The following LSM14A variants were observed in gnomAD, a reference collection of about 807,000 sequenced individuals.
LSM14A encodes protein LSM14 homolog A.
LSM14A carries 14 observed loss-of-function variants against 52.4 expected under a neutral mutation model. The observed-to-expected ratio is 0.27, with a 90% CI of 0.18 to 0.42. The LOEUF is 0.42. LSM14A is among the 10% of genes least tolerant of loss of function. LSM14A has a pLI of 1.00. For synonymous variants in LSM14A, 185 were observed against 200.3 expected (o/e 0.92, Z 0.64); for missense variants, 417 against 581.8 (o/e 0.72, Z 2.91).
chr19:34,213,860 A>G (rs1352385500), intron 4 of LSM14A, among the ~76,000 whole-genome samples: 3 of 152,214 alleles, frequency 2.0e-5, no homozygotes, highest in Non-Finnish European at 2.9e-5. Flanking sequence ...GGCTCACTAC[A>G]ACCTCTGCCT....
At chr19:34,210,188 G>A (rs2072028867) in intron 4 of LSM14A, among the ~76,000 whole-genome samples, 2 of 151,938 alleles carry the variant, frequency 1.3e-5, no homozygotes, top group South Asian at 4.1e-4. Context: ...AAAATTCAAT[G>A]CTAAACATAA....
chr19:34,192,632 C>CAAAAAAAAAAAAA (rs548374017), intron 1 of LSM14A, among the ~76,000 whole-genome samples: 11 of 76,950 alleles, frequency 1.4e-4, no homozygotes, highest in Admixed American at 3.5e-4. Context: ...ATCAGTTCTG[C>CAAAAAAAAAAAAA]AAAAAAAAAA....
At chr19:34,192,632 C>CAAAAAAA (rs548374017) in intron 1 of LSM14A, among the ~76,000 whole-genome samples, 40 of 76,950 alleles carry the variant, frequency 5.2e-4, no homozygotes, top group South Asian at 1.2e-3. Flanking sequence ...ATCAGTTCTG[C>CAAAAAAA]AAAAAAAAAA....
At chr19:34,172,895 T>TCCGGGCCCCGGCGTCGCGGG (rs2068802197) in intron 1 of LSM14A, 132 bp downstream of exon 1, 6 of 1,100,216 alleles carry the variant, frequency 5.5e-6, no homozygotes, top group Non-Finnish European at 6.1e-6. Context: ...GCCTCCCTTC[T>TCCGGGCCCCGGCGTCGCGGG]CCGGGCCCCG....
At chr19:34,189,471 G>C (rs1041232387) in intron 1 of LSM14A, among the ~76,000 whole-genome samples, 5 of 152,104 alleles carry the variant, frequency 3.3e-5, no homozygotes, top group African/African-American at 7.2e-5. Flanking sequence ...TGAAAGAAAT[G>C]GGATGAAATG....
At chr19:34,196,567 G>T in intron 2 of LSM14A, 67 bp from the exon 3 acceptor site, 2 of 1,459,610 alleles carry the variant, frequency 1.4e-6, no homozygotes, top group South Asian at 1.5e-5. Flanking sequence ...TAAAAATCTG[G>T]AATTTTTTTT....
intron 6 of LSM14A, among the ~76,000 whole-genome samples, chr19:34,215,868 A>G (rs909073535): frequency 1.3e-5 from 2 of 152,220 alleles, no homozygotes; most frequent in African/African-American, 4.8e-5. Context: ...GTAGAACATC[A>G]TAGAACTATG....
At chr19:34,217,626 T>G (rs1222995433) in intron 6 of LSM14A, among the ~76,000 whole-genome samples, 5 of 112,664 alleles carry the variant, frequency 4.4e-5, no homozygotes, top group African/African-American at 9.9e-5. Context: ...CGTGTTTTTT[T>G]TTTTTTTTTT....
At chr19:34,221,816 T>C in intron 9 of LSM14A, 78 bp downstream of exon 9, 1 of 1,507,044 alleles carries the variant, frequency 6.6e-7, no homozygotes. Flanking sequence ...TTGTTTTTGT[T>C]TTGGGTGAAT....
intron 3 of LSM14A, among the ~76,000 whole-genome samples, chr19:34,200,881 C>G (rs1390203789): frequency 7.2e-5 from 11 of 152,044 alleles, no homozygotes; most frequent in African/African-American, 2.7e-4. Flanking sequence ...GCTCCTTTGA[C>G]TAAATTAAAT....
At chr19:34,203,905 A>T (rs74424047) in intron 3 of LSM14A, among the ~76,000 whole-genome samples, 1 of 128,318 alleles carries the variant, frequency 7.8e-6, no homozygotes, top group Non-Finnish European at 1.6e-5. Flanking sequence ...GACTGAATTT[A>T]AAAAAAAAAA....
At chr19:34,192,316 G>GTTTTTTTTTTTTTTTTT (rs1306000214) in intron 1 of LSM14A, among the ~76,000 whole-genome samples, 25 of 65,764 alleles carry the variant, frequency 3.8e-4, no homozygotes, top group African/African-American at 4.6e-4. Flanking sequence ...CATTCTTTTT[G>GTTTTTTTTTTTTTTTTT]TTGTTTTTTT....
chr19:34,211,678 A>T (rs1438994134), intron 4 of LSM14A, among the ~76,000 whole-genome samples: 2 of 151,838 alleles, frequency 1.3e-5, no homozygotes, highest in African/African-American at 2.4e-5. Context: ...GGTCCTAGCT[A>T]CTCAAGAGGC....
chr19:34,212,716 T>C (rs1248431708), intron 4 of LSM14A, among the ~76,000 whole-genome samples: 1 of 152,204 alleles, frequency 6.6e-6, no homozygotes, highest in Non-Finnish European at 1.5e-5. Flanking sequence ...TAATAATGTA[T>C]CCAGTATCAC....
chr19:34,188,857 A>G (rs1254664363), intron 1 of LSM14A, among the ~76,000 whole-genome samples: 1 of 151,318 alleles, frequency 6.6e-6, no homozygotes, highest in East Asian at 1.9e-4. Flanking sequence ...TATAAGATAT[A>G]TAGAGATCAT....
chr19:34,211,779 G>C (rs1310583949), intron 4 of LSM14A, among the ~76,000 whole-genome samples: 7 of 151,084 alleles, frequency 4.6e-5, no homozygotes, highest in Non-Finnish European at 1.0e-4. Context: ...ACAGAACCAA[G>C]ACCCTGTCCC....
At chr19:34,204,384 AG>A (rs1312783375) in intron 3 of LSM14A, among the ~76,000 whole-genome samples, 1 of 152,186 alleles carries the variant, frequency 6.6e-6, no homozygotes, top group East Asian at 1.9e-4. Context: ...CTAATGGATC[AG>A]AGGAGAATTT....
chr19:34,176,770 T>G (rs523959), intron 1 of LSM14A, among the ~76,000 whole-genome samples: 92,475 of 152,128 alleles, frequency 0.61, 28,903 homozygotes, highest in African/African-American at 0.68. Flanking sequence ...GCATGTTTAT[T>G]TCGTTTTCTT....
At chr19:34,181,202 A>T (rs1177124736) in intron 1 of LSM14A, among the ~76,000 whole-genome samples, 2 of 151,636 alleles carry the variant, frequency 1.3e-5, no homozygotes, top group East Asian at 3.9e-4. Flanking sequence ...GCAGTTCTCT[A>T]CTCTCCTCAG....
Sources: gnomAD v4.1 joint callset for allele counts (sites outside exome capture counted in the v4.1 genomes callset) on GRCh38, gnomAD v4.1.1 for gene constraint, MANE v1.5 for transcripts, NCBI Gene and HGNC (gene_info 2026-07-23, HGNC 2026-07-21) for gene names.